CNTN4: variants seen among roughly 807,000 people sequenced by gnomAD.
CNTN4 encodes the protein contactin 4.
Under a neutral mutation model 122.5 loss-of-function variants are expected in CNTN4, and 77 were observed. The observed-to-expected ratio is 0.63, with a 90% CI of 0.52 to 0.76. The LOEUF (loss-of-function observed/expected upper bound fraction) is 0.76, where lower values mean the gene tolerates loss of function less well. CNTN4 is among the 30% of genes least tolerant of loss of function. The pLI is 0.00. For synonymous variants in CNTN4, 512 were observed against 447.0 expected (o/e 1.15, Z -1.83); for missense variants, 1,256 against 1,259.1 (o/e 1.00, Z 0.04).
At chr3:2,378,363 G>T (rs1474627224) in intron 3 of CNTN4, among the ~76,000 whole-genome samples, 1 of 152,094 alleles carries the variant, frequency 6.6e-6, no homozygotes, top group Non-Finnish European at 1.5e-5. Flanking sequence ...CTTGTGAGAG[G>T]ACAGTCCTGG....
chr3:2,648,479 T>C (rs2083225738), intron 4 of CNTN4, among the ~76,000 whole-genome samples: 1 of 152,206 alleles, frequency 6.6e-6, no homozygotes, highest in South Asian at 2.1e-4. Flanking sequence ...ATATCTGTTA[T>C]AGTGATCTGT....
chr3:2,299,400 AT>A (rs1210492990), intron 2 of CNTN4, among the ~76,000 whole-genome samples: 1 of 152,004 alleles, frequency 6.6e-6, no homozygotes, highest in East Asian at 1.9e-4. Flanking sequence ...GAATTTTGAG[AT>A]TGTAGTGGAC....
chr3:2,816,820 C>CAAA (rs538762827), intron 6 of CNTN4, among the ~76,000 whole-genome samples: 12,557 of 73,450 alleles, frequency 0.17, 1,155 homozygotes, highest in Non-Finnish European at 0.24. Context: ...ACTCTGTCTC[C>CAAA]AAAAAAAAAA....
chr3:2,648,828 G>A (rs910386678), intron 4 of CNTN4, among the ~76,000 whole-genome samples: 6 of 152,160 alleles, frequency 3.9e-5, no homozygotes, highest in Non-Finnish European at 7.3e-5. Flanking sequence ...CCAAATGGTT[G>A]GCTAAGTTAT....
At chr3:2,329,222 C>G (rs1037723646) in intron 2 of CNTN4, among the ~76,000 whole-genome samples, 11 of 152,280 alleles carry the variant, frequency 7.2e-5, no homozygotes, top group African/African-American at 2.6e-4. Flanking sequence ...ATTTTTTAAA[C>G]TATGATTTCT....
At chr3:2,153,839 A>C (rs1307973625) in intron 2 of CNTN4, among the ~76,000 whole-genome samples, 1 of 152,130 alleles carries the variant, frequency 6.6e-6, no homozygotes, top group Non-Finnish European at 1.5e-5. Context: ...GTGGAAAGTC[A>C]TGTGTAAATT....
chr3:2,921,989 A>G (rs533325980), intron 12 of CNTN4, among the ~76,000 whole-genome samples: 5 of 152,294 alleles, frequency 3.3e-5, no homozygotes, highest in African/African-American at 1.2e-4. Context: ...AATAATAAAA[A>G]GTTGCATTTC....
At chr3:2,147,840 T>C (rs552802590) in intron 2 of CNTN4, among the ~76,000 whole-genome samples, 1 of 152,348 alleles carries the variant, frequency 6.6e-6, no homozygotes, top group East Asian at 1.9e-4. Flanking sequence ...GATCTCACAA[T>C]TTCCAGGCTC....
chr3:2,629,513 C>T (rs575324719), intron 4 of CNTN4: 3 of 448,800 alleles, frequency 6.7e-6, no homozygotes, highest in African/African-American at 6.0e-5. Flanking sequence ...TACCCTGTTC[C>T]TTCCCGTTCT....
At chr3:2,454,764 A>T (rs529032746) in intron 3 of CNTN4, among the ~76,000 whole-genome samples, 1 of 151,668 alleles carries the variant, frequency 6.6e-6, no homozygotes, top group East Asian at 1.9e-4. Flanking sequence ...TACCTTTCAT[A>T]TTAATTTGAT....
chr3:2,907,958 G>A (rs2094255947), intron 12 of CNTN4, among the ~76,000 whole-genome samples: 2 of 152,196 alleles, frequency 1.3e-5, no homozygotes, highest in African/African-American at 4.8e-5. Flanking sequence ...AAGTGTCCTT[G>A]TCTGTGACTG....
intron 4 of CNTN4, among the ~76,000 whole-genome samples, chr3:2,650,004 A>G (rs1000544154): frequency 1.4e-5 from 2 of 147,866 alleles, no homozygotes; most frequent in African/African-American, 4.9e-5. Context: ...GATATTTTAC[A>G]TATAAATATA....
chr3:2,239,520 T>C (rs2149599800), intron 2 of CNTN4, among the ~76,000 whole-genome samples: 1 of 152,176 alleles, frequency 6.6e-6, no homozygotes, highest in Admixed American at 6.5e-5. Flanking sequence ...GGGCCTGATC[T>C]TGCTCTTACA....
intron 2 of CNTN4, among the ~76,000 whole-genome samples, chr3:2,146,504 T>A (rs1559286394): frequency 1.3e-5 from 2 of 152,320 alleles, no homozygotes; most frequent in East Asian, 3.9e-4. Flanking sequence ...CACATATATA[T>A]GAAATTGATA....
chr3:2,737,423 C>G (rs1347241224), intron 5 of CNTN4, among the ~76,000 whole-genome samples: 1 of 152,146 alleles, frequency 6.6e-6, no homozygotes, highest in Non-Finnish European at 1.5e-5. Context: ...TCCTGAAAGT[C>G]TAAGGAGATG....
rs554006535 is a variant in CNTN4, at chr3:2,940,113, A to G, written c.1358+14334A>G. On this transcript the variant is annotated intron_variant, in intron 13 of 24. Coordinates refer to ENST00000418658, the MANE Select transcript of CNTN4 (RefSeq NM_175607.3). ...TCCAAATTGTTACTTTTGAAGTAAT[A>G]AGGGTGTGGGAGGTTCATTGAGAGA... Among the ~76,000 whole-genome samples the G allele has an allele frequency of 1.1e-4, 16 of 152,328 alleles. No individual in the cohort carries two copies. The South Asian group carries it at 3.3e-3, about 32-fold the overall frequency.
At chr3:2,301,411 T>G (rs2042513774) in intron 2 of CNTN4, among the ~76,000 whole-genome samples, 1 of 152,210 alleles carries the variant, frequency 6.6e-6, no homozygotes, top group Non-Finnish European at 1.5e-5. Flanking sequence ...GAAATTGAAT[T>G]AAGAAAGCTT....
intron 6 of CNTN4, among the ~76,000 whole-genome samples, chr3:2,795,407 C>T (rs1312084214): frequency 1.3e-5 from 2 of 152,112 alleles, no homozygotes; most frequent in Non-Finnish European, 2.9e-5. Context: ...CCTTTTCTCA[C>T]AACTCCAGTG....
chr3:2,199,842 C>A (rs1381141897), intron 2 of CNTN4, among the ~76,000 whole-genome samples: 4 of 152,014 alleles, frequency 2.6e-5, no homozygotes, highest in Admixed American at 2.6e-4. Context: ...CTGAAGAAAC[C>A]ACCAATGAAG....
Sources: gnomAD v4.1 joint callset for allele counts (sites outside exome capture counted in the v4.1 genomes callset) on GRCh38, gnomAD v4.1.1 for gene constraint, MANE v1.5 for transcripts, NCBI Gene and HGNC (gene_info 2026-07-23, HGNC 2026-07-21) for gene names.